HELZ: variants seen among roughly 807,000 people sequenced by gnomAD.
HELZ encodes the protein helicase with zinc finger.
A neutral mutation model predicts 218.2 loss-of-function variants in HELZ; 23 were observed. The ratio of observed to expected loss-of-function variants is 0.11; its 90% CI spans 0.08 to 0.15. The LOEUF (loss-of-function observed/expected upper bound fraction) is 0.15, where lower values mean the gene tolerates loss of function less well. Among genes scored for constraint, HELZ ranks in the 10% least tolerant of loss-of-function variants. The pLI, the probability that HELZ is intolerant of heterozygous loss-of-function variation, is 1.00. For missense variants in HELZ, 1,813 were observed against 2,353.7 expected, an observed-to-expected ratio of 0.77 and a Z score of 4.75; for synonymous variants, 814 against 829.4, an observed-to-expected ratio of 0.98 and a Z score of 0.32.
At chr17:67,089,647 T>TTA (rs371659847) in intron 31 of HELZ, among the ~76,000 whole-genome samples, 1,031 of 54,110 alleles carry the variant, frequency 0.019, 17 homozygotes, top group African/African-American at 0.04. Context: ...ATTGGAGATT[T>TTA]TATATATATA....
At chr17:67,141,853 G>T (rs1210800620) in intron 21 of HELZ, among the ~76,000 whole-genome samples, 1 of 152,150 alleles carries the variant, frequency 6.6e-6, no homozygotes, top group Admixed American at 6.5e-5. Context: ...AGACCAGCCT[G>T]GCCAACATGG....
intron 6 of HELZ, among the ~76,000 whole-genome samples, chr17:67,201,695 AC>A (rs2040172415): frequency 1.3e-5 from 2 of 152,116 alleles, no homozygotes; most frequent in Non-Finnish European, 2.9e-5. Flanking sequence ...AAAGCAAATT[AC>A]TCTTTACTCG....
Position 67,108,380 on chromosome 17 carries a change from C to A in HELZ, c.4724+112G>T. On this transcript the variant is annotated intron_variant, in intron 30 of 32. Transcript: ENST00000358691. This position sits in a 1 kb window ranked among gnomAD's most constrained non-coding sequence, Gnocchi z 4.1. ...GTGTAGCGTGTGCTTGGAAGGCCAG[C>A]ATCCAATTTCTCTGAGGCAATATTC... is the stretch of plus-strand genomic sequence containing the variant. 1.3e-6 allele frequency: 1 copy of A among 759,116 alleles called. No homozygotes were observed. The highest frequency in any genetic ancestry group is 2.1e-5 in the Admixed American group (1 of 47,610). 47.0% of individuals were successfully genotyped at this position (759,116 alleles called of 1,614,324 possible).
chr17:67,215,897 AC>A lies in HELZ; in HGVS notation c.247+1del. 6.5e-7 allele frequency: 1 copy of A among 1,546,408 alleles called. No homozygotes were observed. Among genetic ancestry groups the A allele is most frequent in the Non-Finnish European group, 8.9e-7 (1 of 1,121,712 alleles). ...TAATTCGAGTCTCATTTTTAAACAT[AC>A]CATGTCTACAATCTTCATCAGCTTG... On this transcript the variant is annotated splice_donor_variant, in intron 5 of 32. Transcript: ENST00000358691. LOFTEE classifies it high-confidence loss of function.
At chr17:67,238,290 T>C (rs2041236922) in intron 3 of HELZ, among the ~76,000 whole-genome samples, 1 of 139,026 alleles carries the variant, frequency 7.2e-6, no homozygotes, top group African/African-American at 2.8e-5. Context: ...GAGGTTGCAG[T>C]GAGCTGAGAT....
chr17:67,148,792 C>G, intron 19 of HELZ, 78 bp from the exon 20 acceptor site: 1 of 1,379,694 alleles, frequency 7.2e-7, no homozygotes, highest in Non-Finnish European at 9.9e-7. Flanking sequence ...AAAAAATCCA[C>G]TATGCTAAAA....
At chr17:67,118,692 C>CAA (rs142101119) in intron 27 of HELZ, among the ~76,000 whole-genome samples, 8,870 of 45,052 alleles carry the variant, frequency 0.2, 1,061 homozygotes, top group East Asian at 0.35. Flanking sequence ...CTTTAAAAGG[C>CAA]AAAAAAAAAA....
At chr17:67,192,129 G>A (rs1171670734) in intron 9 of HELZ, among the ~76,000 whole-genome samples, 1 of 152,034 alleles carries the variant, frequency 6.6e-6, no homozygotes, top group Non-Finnish European at 1.5e-5. Context: ...TTGAACCCGG[G>A]AGGCGGAGGT....
chr17:67,159,893 C>T (rs1378320744), intron 17 of HELZ, among the ~76,000 whole-genome samples: 2 of 152,142 alleles, frequency 1.3e-5, no homozygotes, highest in African/African-American at 4.8e-5. Context: ...GAACTGTCCA[C>T]TGCATGACTA....
intron 3 of HELZ, 106 bp from the exon 4 acceptor site, chr17:67,218,928 CAGCT>C: frequency 1.4e-6 from 1 of 726,770 alleles, no homozygotes; most frequent in Non-Finnish European, 2.3e-6. Context: ...TGAATACTCT[CAGCT>C]AGCCTTTTGA....
chr17:67,108,604 G>T lies in HELZ; in HGVS notation c.4612C>A (p.Pro1538Thr). ...GGCTGAGGAAGATGCTGGAGGTGAG[G>T]ATGGTGATGGTGTGGGTATGGAGCG... ...GSAPYPHHHH[P>T]HLQHLPQPPL... The change falls in exon 30 of 33, where the codon CCT becomes ACT. Residue 1538 changes from proline to threonine, a missense_variant. Physicochemically the swap from Pro to Thr is conservative, Grantham distance 38. Transcript: ENST00000358691. The surrounding 1 kb of genome is among the most constrained non-coding windows in gnomAD (Gnocchi z 4.1). 6.2e-7 allele frequency: 1 copy of T among 1,614,058 alleles called. No homozygotes were observed. The highest frequency in any genetic ancestry group is 1.7e-5 in the Admixed American group (1 of 60,016).
intron 24 of HELZ, among the ~76,000 whole-genome samples, chr17:67,125,322 AT>A (rs2143856541): frequency 2.1e-5 from 1 of 46,700 alleles, no homozygotes; most frequent in African/African-American, 5.9e-5. Context: ...ATATATATAT[AT>A]ATATATATAT....
chr17:67,164,420 A>G (rs1408570724), intron 15 of HELZ, among the ~76,000 whole-genome samples: 3 of 152,156 alleles, frequency 2.0e-5, no homozygotes, highest in Non-Finnish European at 4.4e-5. Context: ...TATATGAGAG[A>G]CAGAAAATCA....
Position 67,218,788 on chromosome 17 carries a change from G to C in HELZ, c.17C>G (p.Ala6Gly). The part of the protein sequence containing the change: MEDRR[A>G]EKSCEQACES... ...ACATGCTTGTTCACATGACTTTTCA[G>C]CTCTTCTGTCTTCCATGACTCAGGG... Residue 6 changes from alanine to glycine, a missense_variant, in exon 4 of 33, where the codon GCT becomes GGT. By Grantham distance (60) the Ala-to-Gly change is moderately conservative. Transcript: ENST00000358691. 6.2e-7 allele frequency: 1 copy of C among 1,614,172 alleles called. No homozygotes were observed. Among genetic ancestry groups the C allele is most frequent in the Non-Finnish European group, 8.5e-7 (1 of 1,180,030 alleles).
At position 67,170,966 on chromosome 17, in the gene HELZ, T is replaced by C. The variant is rs962224024; in HGVS notation, c.1431-3170A>G. Among the ~76,000 whole-genome samples the C allele has an allele frequency of 5.5e-4, 84 of 152,254 alleles. 1 individual carries two copies. Among genetic ancestry groups the C allele is most frequent in the African/African-American group, 1.9e-3 (81 of 41,546 alleles). ...AACTTTCTCAGAGGGAGGAGATTAC[T>C]TATAGTGCAAGAAATTCTTGATTCA... On this transcript the variant is annotated intron_variant, in intron 13 of 32. Transcript: ENST00000358691.
intron 26 of HELZ, 142 bp from the exon 27 acceptor site, chr17:67,120,754 A>G: frequency 1.6e-6 from 1 of 636,990 alleles, no homozygotes; most frequent in South Asian, 1.9e-5. Flanking sequence ...CAAAATAAAT[A>G]ACTACAAAGT....
intron 3 of HELZ, among the ~76,000 whole-genome samples, chr17:67,230,857 AAC>A (rs767271853): frequency 1.3e-5 from 2 of 152,202 alleles, no homozygotes; most frequent in Non-Finnish European, 2.9e-5. Flanking sequence ...TAAAACTGAG[AAC>A]AGAGTTTTCT....
chr17:67,124,006 A>G lies in HELZ; in HGVS notation c.3396T>C (p.Ser1132=), dbSNP rs759830903. The G allele has an allele frequency of 5.0e-6, 8 of 1,599,442 alleles. No homozygotes were observed. The highest frequency in any genetic ancestry group is 4.5e-5 in the East Asian group (2 of 44,682). Reference sequence around the variant, plus strand: ...AGTGATCATTCTGGGTATGATGAAGACTTTTCCCCTTTAAAGAAAAACACA... The same window carrying G: ...AGTGATCATTCTGGGTATGATGAAGGCTTTTCCCCTTTAAAGAAAAACACA... The part of the protein sequence containing the change: ...KQQQSPPKGK[S]LHHTQNDHFQ... Residue 1132 remains serine, a synonymous_variant, in exon 25 of 33, where the codon AGT becomes AGC. Transcript: ENST00000358691.
At chr17:67,106,318 T>TA (rs1160965595) in intron 31 of HELZ, among the ~76,000 whole-genome samples, 1 of 135,322 alleles carries the variant, frequency 7.4e-6, no homozygotes, top group East Asian at 1.9e-4. Context: ...TTTATTTATT[T>TA]TTTTTTTTGA....
Sources: allele counts gnomAD v4.1 joint callset (sites outside exome capture counted in the v4.1 genomes callset), GRCh38; gene constraint gnomAD v4.1.1; non-coding constraint Gnocchi (gnomAD v3.1); transcripts MANE v1.5; gene names NCBI Gene and HGNC (gene_info 2026-07-23, HGNC 2026-07-21).